Variants in SHROOM3 observed in about 807,000 individuals in gnomAD.
The protein encoded by SHROOM3 is protein Shroom3.
A neutral mutation model predicts 138.6 loss-of-function variants in SHROOM3; 47 were observed. That is an observed-to-expected ratio of 0.34 (90% CI 0.27 to 0.43). The LOEUF (loss-of-function observed/expected upper bound fraction) is 0.43. Ranked by LOEUF, SHROOM3 falls within the 20% of genes least tolerant of loss-of-function variation. The probability of loss-of-function intolerance (pLI) is 1.00; values close to 1 mark genes in which losing one functional copy is unlikely to be tolerated. For synonymous variants in SHROOM3, 1,062 were observed against 1,063.3 expected (o/e 1.00, Z 0.02); for missense variants, 2,491 against 2,596.5 (o/e 0.96, Z 0.88).
intron 5 of SHROOM3, among the ~76,000 whole-genome samples, chr4:76,745,842 A>G (rs889963189): frequency 6.6e-6 from 1 of 152,166 alleles, no homozygotes; most frequent in Non-Finnish European, 1.5e-5. Flanking sequence ...TTAGCTAGGC[A>G]TGGTGGTGTG....
At chr4:76,702,823 C>T (rs539935257) in intron 2 of SHROOM3, among the ~76,000 whole-genome samples, 170 of 152,266 alleles carry the variant, frequency 1.1e-3, no homozygotes, top group African/African-American at 4.0e-3. Context: ...CTGATGTCAG[C>T]AGTAAACTGA....
chr4:76,446,071 G>A (rs780515425), intron 1 of SHROOM3, among the ~76,000 whole-genome samples: 20 of 151,960 alleles, frequency 1.3e-4, no homozygotes, highest in East Asian at 1.9e-4. Context: ...TTTTATCACC[G>A]TACTGTCAGT....
At chr4:76,495,112 G>T (rs1731936925) in intron 1 of SHROOM3, among the ~76,000 whole-genome samples, 1 of 152,206 alleles carries the variant, frequency 6.6e-6, no homozygotes, top group African/African-American at 2.4e-5. Flanking sequence ...GATCACACTG[G>T]GTTAGGAGCC....
intron 1 of SHROOM3, among the ~76,000 whole-genome samples, chr4:76,442,018 G>A (rs565721459): frequency 7.5e-4 from 114 of 152,206 alleles, no homozygotes; most frequent in Admixed American, 1.4e-3. Context: ...CACCCCACTC[G>A]GCTTCCCAGT....
In SHROOM3 at chr4:76,741,664, A is replaced by G. The variant is rs998534068; in HGVS notation, c.3491A>G (p.Gln1164Arg). 6.5e-7 allele frequency: 1 copy of G among 1,549,778 alleles called. No homozygotes were observed. The highest frequency in any genetic ancestry group is 1.4e-5 in the African/African-American group (1 of 73,476). The change falls in exon 5 of 11, where the codon CAG becomes CGG. Residue 1164 changes from glutamine (Q) to arginine (R), a missense_variant. This residue lies in a region of SHROOM3 where 1,733 missense variants were observed against 1,661.6 expected (regional missense o/e 1.04). Transcript: ENST00000296043. The surrounding 1 kb of genome is among the most constrained non-coding windows in gnomAD (Gnocchi z 6.2). ...TLLPATVAET[Q>R]QAPRDRSSSF... ...CTGCCGGCCACAGTTGCAGAAACCC[A>G]GCAGGCTCCCCGAGATCGCAGCAGC...
intron 4 of SHROOM3, among the ~76,000 whole-genome samples, chr4:76,735,976 G>A (rs1273619576): frequency 6.8e-6 from 1 of 146,934 alleles, no homozygotes; most frequent in Non-Finnish European, 1.5e-5. Context: ...GATTTGTTGT[G>A]TGTGTTCCTA....
chr4:76,525,298 C>T (rs1293773859), intron 1 of SHROOM3, among the ~76,000 whole-genome samples: 2 of 152,122 alleles, frequency 1.3e-5, no homozygotes, highest in Non-Finnish European at 2.9e-5. Context: ...AGGGAAATGC[C>T]AGACACTTAT....
chr4:76,702,068 T>C (rs760849941), intron 2 of SHROOM3, among the ~76,000 whole-genome samples: 4 of 152,202 alleles, frequency 2.6e-5, no homozygotes, highest in Non-Finnish European at 5.9e-5. Flanking sequence ...TACTTGCTGG[T>C]GTTTTGTTTT....
intron 10 of SHROOM3, among the ~76,000 whole-genome samples, chr4:76,774,094 A>G (rs1486951531): frequency 6.6e-6 from 1 of 152,070 alleles, no homozygotes; most frequent in Non-Finnish European, 1.5e-5. Flanking sequence ...TAAATTAGAG[A>G]ATGAATTTGT....
intron 3 of SHROOM3, among the ~76,000 whole-genome samples, chr4:76,730,026 T>G (rs1720828252): frequency 6.6e-6 from 1 of 152,210 alleles, no homozygotes; most frequent in Non-Finnish European, 1.5e-5. Context: ...TACCTGACTT[T>G]TTTTGCCAAA....
At chr4:76,742,054 T>A in intron 5 of SHROOM3, 128 bp downstream of exon 5, 1 of 1,268,176 alleles carries the variant, frequency 7.9e-7, no homozygotes, top group Non-Finnish European at 1.1e-6. Flanking sequence ...TACAGAAAAG[T>A]AGCATTTGTT....
intron 3 of SHROOM3, among the ~76,000 whole-genome samples, chr4:76,714,275 T>C (rs893422098): frequency 5.3e-5 from 8 of 152,242 alleles, no homozygotes; most frequent in African/African-American, 1.9e-4. Flanking sequence ...TCCCACATTG[T>C]GTTCCCTTAG....
chr4:76,533,774 T>A (rs1732882223), intron 1 of SHROOM3, among the ~76,000 whole-genome samples: 3 of 152,198 alleles, frequency 2.0e-5, no homozygotes, highest in Non-Finnish European at 4.4e-5. Flanking sequence ...TGCACTTAAT[T>A]TTTTAAAAGG....
At chr4:76,721,863 G>A (rs1720561676) in intron 3 of SHROOM3, among the ~76,000 whole-genome samples, 1 of 152,214 alleles carries the variant, frequency 6.6e-6, no homozygotes, top group Non-Finnish European at 1.5e-5. Flanking sequence ...TGTGGTGGAG[G>A]AGGAATACCA....
At chr4:76,491,155 C>G (rs1328039102) in intron 1 of SHROOM3, among the ~76,000 whole-genome samples, 1 of 152,124 alleles carries the variant, frequency 6.6e-6, no homozygotes, top group South Asian at 2.1e-4. Context: ...ATGGAAGACT[C>G]CCTGAGAAGG....
chr4:76,675,878 G>A (rs558474998), intron 2 of SHROOM3, among the ~76,000 whole-genome samples: 11 of 152,266 alleles, frequency 7.2e-5, no homozygotes, highest in East Asian at 1.9e-4. Context: ...CATTAGATAC[G>A]TAGTTAGAGG....
chr4:76,480,486 A>G (rs1731584577), intron 1 of SHROOM3, among the ~76,000 whole-genome samples: 1 of 151,962 alleles, frequency 6.6e-6, no homozygotes. Context: ...AGATTCATAA[A>G]GCAAGTTCTT....
chr4:76,590,579 T>TC (rs1734251531), intron 2 of SHROOM3, among the ~76,000 whole-genome samples: 1 of 150,676 alleles, frequency 6.6e-6, no homozygotes, highest in African/African-American at 2.4e-5. Flanking sequence ...TCAAGAAGAA[T>TC]CAGGACAGCA....
At chr4:76,551,216 G>T (rs185328168) in intron 1 of SHROOM3, among the ~76,000 whole-genome samples, 296 of 152,110 alleles carry the variant, frequency 1.9e-3, no homozygotes, top group African/African-American at 6.7e-3. Flanking sequence ...GAGGAACTCT[G>T]TAAATACAAA....
Sources: gnomAD v4.1 joint callset for allele counts (sites outside exome capture counted in the v4.1 genomes callset) on GRCh38, gnomAD v4.1.1 for gene constraint, gnomAD v4.1.1 regional missense constraint, Gnocchi (gnomAD v3.1) non-coding constraint, MANE v1.5 for transcripts, NCBI Gene and HGNC (gene_info 2026-07-23, HGNC 2026-07-21) for gene names.